PIGU: variants seen among roughly 807,000 people sequenced by gnomAD.
The protein encoded by PIGU is GPI-anchor transamidase component PIGU.
A neutral mutation model predicts 49.9 loss-of-function variants in PIGU; 24 were observed. The ratio of observed to expected loss-of-function variants is 0.48; its 90% CI spans 0.35 to 0.68. The LOEUF is 0.68. Ranked by LOEUF, PIGU falls within the 30% of genes least tolerant of loss-of-function variation. PIGU has a pLI of 0.01. For missense variants in PIGU, 490 were observed against 532.6 expected (o/e 0.92, Z 0.79); for synonymous variants, 220 against 205.7 (o/e 1.07, Z -0.59).
At chr20:34,644,997 T>C (rs555543228) in intron 3 of PIGU, among the ~76,000 whole-genome samples, 1 of 152,320 alleles carries the variant, frequency 6.6e-6, no homozygotes, top group East Asian at 1.9e-4. Context: ...CATAAGTTTT[T>C]GCTTTTATTT....
rs1205538421 is a variant in PIGU, at chr20:34,634,712, A to G, written c.432T>C (p.Tyr144=). 1 of 1,611,608 alleles carries G rather than the reference A, an allele frequency of 6.2e-7. No homozygotes were observed. Among genetic ancestry groups the G allele is most frequent in the Non-Finnish European group, 8.5e-7 (1 of 1,178,186 alleles). The change falls in exon 6 of 12, where the codon TAT becomes TAC. Residue 144 remains tyrosine (Y), a synonymous_variant. Coordinates refer to ENST00000217446, the MANE Select transcript of PIGU (RefSeq NM_080476.5). ...ACAAAATCGTGTAAGGATTTAAGAG[A>G]TAGCTGGGGAAGAACAAACATATTT... is the stretch of plus-strand genomic sequence containing the variant. ...RYIPLKVALF[Y]LLNPYTILSC... is the part of the protein sequence containing the mutation.
rs757741347 is a variant in PIGU at position 34,645,300 on chromosome 20, A to G, written c.230T>C (p.Ile77Thr). ...PLIIYLFHFLIDYAELVFMIT... is the reference protein window; with the variant it reads ...PLIIYLFHFLTDYAELVFMIT... The stretch of plus-strand genomic sequence containing the variant: ...CATAAACACCAATTCAGCATAGTCA[A>G]TTAGGAAATGAAAGAGGTATATTAT... The change falls in exon 3 of 12, where the codon ATT becomes ACT. Residue 77 changes from isoleucine (I) to threonine (T), a missense_variant. Transcript: ENST00000217446. The G allele has an allele frequency of 3.0e-5, 48 of 1,581,304 alleles. No individual in the cohort carries two copies. Among genetic ancestry groups the G allele is most frequent in the Non-Finnish European group, 4.0e-5 (47 of 1,169,448 alleles).
chr20:34,618,638 T>A (rs1258313529), intron 6 of PIGU, among the ~76,000 whole-genome samples: 1 of 152,000 alleles, frequency 6.6e-6, no homozygotes, highest in African/African-American at 2.4e-5. Context: ...AATAAAAAAA[T>A]AAGCTGGGTG....
intron 6 of PIGU, among the ~76,000 whole-genome samples, chr20:34,620,882 C>G (rs999828199): frequency 4.0e-5 from 6 of 149,688 alleles, no homozygotes; most frequent in Non-Finnish European, 8.9e-5. Context: ...AACATCACAA[C>G]AGCCCTGTGA....
chr20:34,584,602 C>T (rs992928921), intron 9 of PIGU, among the ~76,000 whole-genome samples: 2 of 151,026 alleles, frequency 1.3e-5, no homozygotes, highest in Non-Finnish European at 2.9e-5. Context: ...CTCAAACTCC[C>T]GGGCTCAAGT....
At chr20:34,661,629 A>T (rs1410000728) in intron 1 of PIGU, among the ~76,000 whole-genome samples, 1 of 151,700 alleles carries the variant, frequency 6.6e-6, no homozygotes, top group Non-Finnish European at 1.5e-5. Context: ...ATGGGCATTC[A>T]GGTTAATTCC....
rs184187362 is a variant in PIGU at position 34,627,784 on chromosome 20, C to T, written c.529+6831G>A. ...CACCAGACACCTTGATAAATGACAA[C>T]CTATCTGAACCTGACACTCTGGAAA... On this transcript the variant is annotated intron_variant, in intron 6 of 11. Transcript: ENST00000217446. Among the ~76,000 whole-genome samples the T allele has an allele frequency of 2.0e-3, 304 of 152,186 alleles. 10 individuals carry two copies. The South Asian group carries it at 0.044, about 22-fold the overall frequency.
At chr20:34,646,946 T>C (rs1013470862) in intron 2 of PIGU, among the ~76,000 whole-genome samples, 3 of 151,608 alleles carry the variant, frequency 2.0e-5, no homozygotes, top group African/African-American at 7.3e-5. Context: ...TGCCTCAGCC[T>C]CCCCAGTAGC....
chr20:34,570,696 C>T (rs779336612), intron 11 of PIGU, among the ~76,000 whole-genome samples: 8 of 152,136 alleles, frequency 5.3e-5, no homozygotes, highest in Non-Finnish European at 1.2e-4. Flanking sequence ...CGCGCCCGGC[C>T]GCATAAGCCA....
At chr20:34,659,801 A>C (rs2146787687) in intron 1 of PIGU, among the ~76,000 whole-genome samples, 1 of 152,292 alleles carries the variant, frequency 6.6e-6, no homozygotes, top group East Asian at 1.9e-4. Flanking sequence ...TCAGGGTTAA[A>C]TGGATTAAGG....
intron 7 of PIGU, among the ~76,000 whole-genome samples, chr20:34,608,906 C>T (rs1470285606): frequency 6.6e-6 from 1 of 152,178 alleles, no homozygotes; most frequent in Non-Finnish European, 1.5e-5. Flanking sequence ...TTAGTTCTAG[C>T]TTCTCTCCTT....
At chr20:34,581,478 C>A in intron 10 of PIGU, 70 bp downstream of exon 10, 1 of 1,577,750 alleles carries the variant, frequency 6.3e-7, no homozygotes, top group Non-Finnish European at 8.6e-7. Context: ...CCTATGAATT[C>A]CTTTTCCCTG....
In PIGU at chr20:34,560,601, T is replaced by A. The variant is rs1982437292; in HGVS notation, c.*265A>T. Reference sequence around the variant, plus strand: ...CACAATCTAACAAGCCCTGCTCACCTGCCTCTTCTCCTTCCTGTCTGGGAG... The same window carrying A: ...CACAATCTAACAAGCCCTGCTCACCAGCCTCTTCTCCTTCCTGTCTGGGAG... On this transcript the variant is annotated 3_prime_UTR_variant, in exon 12 of 12. Transcript: ENST00000217446. 1 of 436,796 alleles carries A rather than the reference T, an allele frequency of 2.3e-6. No individual in the cohort carries two copies. The highest frequency in any genetic ancestry group is 4.0e-6 in the Non-Finnish European group (1 of 247,094). 27.1% of individuals were successfully genotyped at this position (436,796 alleles called of 1,614,324 possible). A position where few individuals can be genotyped will look rare whatever the true frequency, so the allele number is the denominator to read the frequency against.
intron 7 of PIGU, 96 bp from the exon 8 acceptor site, chr20:34,588,703 A>G: frequency 2.5e-6 from 3 of 1,187,348 alleles, no homozygotes; most frequent in South Asian, 3.2e-5. Context: ...AAACCATACT[A>G]TGATACACAG....
chr20:34,636,474 G>A (rs757495861), intron 5 of PIGU, among the ~76,000 whole-genome samples: 1 of 152,008 alleles, frequency 6.6e-6, no homozygotes, highest in Non-Finnish European at 1.5e-5. Flanking sequence ...AACCCAGGAG[G>A]TAGAGGTTGC....
At chr20:34,567,590 C>T (rs1403102438) in intron 11 of PIGU, among the ~76,000 whole-genome samples, 1 of 41,774 alleles carries the variant, frequency 2.4e-5, no homozygotes, top group African/African-American at 8.2e-5. Flanking sequence ...CTCTGCTCTT[C>T]CCAGCAGTGA....
At chr20:34,569,469 G>A (rs1982915658) in intron 11 of PIGU, among the ~76,000 whole-genome samples, 2 of 152,110 alleles carry the variant, frequency 1.3e-5, no homozygotes, top group Admixed American at 6.5e-5. Flanking sequence ...AAGCTCAAGC[G>A]ATCTGCCCGC....
At chr20:34,625,260 C>G (rs564672773) in intron 6 of PIGU, among the ~76,000 whole-genome samples, 6 of 150,088 alleles carry the variant, frequency 4.0e-5, no homozygotes, top group Non-Finnish European at 1.5e-5. Context: ...CCCAGCTATT[C>G]GGGAAACTGA....
chr20:34,579,332 CAG>C (rs1983365501), intron 10 of PIGU: 1 of 151,940 alleles, frequency 6.6e-6, no homozygotes. Context: ...ATCCAAGCTC[CAG>C]AGAGTCCAGC....
Sources: gnomAD v4.1 joint callset for allele counts (sites outside exome capture counted in the v4.1 genomes callset) on GRCh38, gnomAD v4.1.1 for gene constraint, MANE v1.5 for transcripts, NCBI Gene and HGNC (gene_info 2026-07-23, HGNC 2026-07-21) for gene names.